The following SPMAP2L variants were observed in gnomAD, a reference collection of about 807,000 sequenced individuals.
The protein encoded by SPMAP2L is sperm microtubule associated protein 2-like.
the SPMAP2L span, among the ~76,000 whole-genome samples, chr4:56,531,623 G>A: frequency 6.6e-6 from 1 of 152,162 alleles, no homozygotes; most frequent in Non-Finnish European, 1.5e-5. Context: ...TTTGGCATAT[G>A]GTCACATGTG....
the SPMAP2L span, among the ~76,000 whole-genome samples, chr4:56,602,100 T>C: frequency 1.3e-5 from 2 of 152,152 alleles, no homozygotes; most frequent in African/African-American, 2.4e-5. Flanking sequence ...TTCAAATAGA[T>C]AAGAATATAT....
the SPMAP2L span, among the ~76,000 whole-genome samples, chr4:56,567,446 T>G: frequency 1.8e-5 from 2 of 110,652 alleles, no homozygotes; most frequent in African/African-American, 4.2e-5. Flanking sequence ...TTGGTGGTTT[T>G]TTTTTTTTTT....
At chr4:56,535,886 G>A in the SPMAP2L span, among the ~76,000 whole-genome samples, 2 of 152,304 alleles carry the variant, frequency 1.3e-5, no homozygotes, top group African/African-American at 4.8e-5. Context: ...CACCAGGGAC[G>A]GGTTTCGTGG....
At chr4:56,565,468 C>T in the SPMAP2L span, among the ~76,000 whole-genome samples, 1 of 152,184 alleles carries the variant, frequency 6.6e-6, no homozygotes. Flanking sequence ...AGTTACACAC[C>T]TGACCTTGTG....
At chr4:56,612,991 G>A in the SPMAP2L span, among the ~76,000 whole-genome samples, 178 of 152,142 alleles carry the variant, frequency 1.2e-3, no homozygotes, top group Middle Eastern at 0.014. Flanking sequence ...ACCTCTAAGC[G>A]GAGTCCCTGC....
chr4:56,544,232 G>T, the SPMAP2L span, among the ~76,000 whole-genome samples: 1 of 151,920 alleles, frequency 6.6e-6, no homozygotes, highest in Non-Finnish European at 1.5e-5. Context: ...CAAGTGATCC[G>T]CCCGCCTTGG....
At chr4:56,577,872 C>G in the SPMAP2L span, among the ~76,000 whole-genome samples, 1 of 152,096 alleles carries the variant, frequency 6.6e-6, no homozygotes, top group South Asian at 2.1e-4. Flanking sequence ...GTGGTCCCAG[C>G]TACTCGGGAG....
At chr4:56,588,265 T>C in the SPMAP2L span, among the ~76,000 whole-genome samples, 1 of 152,346 alleles carries the variant, frequency 6.6e-6, no homozygotes, top group African/African-American at 2.4e-5. Context: ...CTCTGTGGGT[T>C]GTCTGTTTAC....
chr4:56,535,425 T>C, the SPMAP2L span, among the ~76,000 whole-genome samples: 1 of 151,254 alleles, frequency 6.6e-6, no homozygotes. Context: ...GGAAAAGCAC[T>C]GTGAAAATCC....
At chr4:56,614,070 A>G in the SPMAP2L span, among the ~76,000 whole-genome samples, 3 of 152,164 alleles carry the variant, frequency 2.0e-5, no homozygotes, top group African/African-American at 2.4e-5. Flanking sequence ...GGGGAGGGCC[A>G]TGTAGGATAT....
chr4:56,576,335 G>A, the SPMAP2L span, among the ~76,000 whole-genome samples: 1 of 152,142 alleles, frequency 6.6e-6, no homozygotes, highest in African/African-American at 2.4e-5. Context: ...ATAAGAAAGT[G>A]GTGACAGCTG....
chr4:56,566,983 C>T, the SPMAP2L span, among the ~76,000 whole-genome samples: 1 of 152,146 alleles, frequency 6.6e-6, no homozygotes, highest in Non-Finnish European at 1.5e-5. Flanking sequence ...GCATGAGCTA[C>T]TGTGCCTGGC....
chr4:56,592,095 C>T, the SPMAP2L span, among the ~76,000 whole-genome samples: 178 of 152,270 alleles, frequency 1.2e-3, 2 homozygotes, highest in African/African-American at 3.9e-3. Context: ...TTCCACCTCC[C>T]GTCAGATCAG....
the SPMAP2L span, chr4:56,584,363 T>A: frequency 1.6e-6 from 1 of 618,128 alleles, no homozygotes; most frequent in East Asian, 2.8e-5. Flanking sequence ...AGAAAGAGCA[T>A]GACTGTGGGA....
At chr4:56,546,419 C>T in the SPMAP2L span, among the ~76,000 whole-genome samples, 95 of 152,278 alleles carry the variant, frequency 6.2e-4, no homozygotes, top group Non-Finnish European at 1.1e-3. Flanking sequence ...AATGCTGATG[C>T]CTGTGTCCCT....
chr4:56,531,351 C>G, the SPMAP2L span, among the ~76,000 whole-genome samples: 1,328 of 152,240 alleles, frequency 8.7e-3, 62 homozygotes, highest in Admixed American at 0.081. Flanking sequence ...TCAGCCCTTG[C>G]GTTTCAAGGG....
chr4:56,620,783 A>G, the SPMAP2L span, among the ~76,000 whole-genome samples: 1 of 152,384 alleles, frequency 6.6e-6, no homozygotes, highest in South Asian at 2.1e-4. Context: ...TATTTAAAGT[A>G]ATGTAATGCA....
chr4:56,593,798 A>G, the SPMAP2L span: 1 of 1,598,764 alleles, frequency 6.3e-7, no homozygotes, highest in East Asian at 2.2e-5. Flanking sequence ...TACCAGCAAC[A>G]TCTGTACAGC....
chr4:56,573,996 C>T, the SPMAP2L span, among the ~76,000 whole-genome samples: 10 of 152,046 alleles, frequency 6.6e-5, no homozygotes, highest in Admixed American at 5.2e-4. Context: ...GAACAGAGGT[C>T]CTTATAATAG....
Sources: gnomAD v4.1 joint callset for allele counts (sites outside exome capture counted in the v4.1 genomes callset) on GRCh38, gnomAD v4.1.1 for gene constraint, MANE v1.5 for transcripts, NCBI Gene and HGNC (gene_info 2026-07-23, HGNC 2026-07-21) for gene names.